Variants in MAGI2 observed in about 807,000 individuals in gnomAD.
The protein encoded by MAGI2 is membrane associated guanylate kinase, WW and PDZ domain containing 2.
In MAGI2, 35 loss-of-function variants were observed where a neutral mutation model predicts 133.3. The observed-to-expected ratio is 0.26, with a 90% confidence interval of 0.20 to 0.35. The LOEUF (loss-of-function observed/expected upper bound fraction) is 0.35, where lower values mean the gene tolerates loss of function less well. Ranked by LOEUF, MAGI2 falls within the 10% of genes least tolerant of loss-of-function variation. The pLI, the probability that MAGI2 is intolerant of heterozygous loss-of-function variation, is 1.00. For synonymous variants in MAGI2, 729 were observed against 710.6 expected, an observed-to-expected ratio of 1.03 and a Z score of -0.41; for missense variants, 1,636 against 1,863.4, an observed-to-expected ratio of 0.88 and a Z score of 2.25.
At chr7:78,694,119 C>T (rs1029141034) in intron 2 of MAGI2, among the ~76,000 whole-genome samples, 2 of 152,088 alleles carry the variant, frequency 1.3e-5, no homozygotes, top group Admixed American at 6.6e-5. Context: ...GTTTCCCATG[C>T]TCAGATAACC....
At position 79,245,436 on chromosome 7, in the gene MAGI2, A is replaced by G. The variant is rs552364452; in HGVS notation, c.301+207584T>C. Among the ~76,000 whole-genome samples the G allele has an allele frequency of 4.6e-5, 7 of 152,236 alleles. No individual in the cohort carries two copies. In the East Asian group the frequency reaches 1.4e-3, roughly 30 times the overall value. On this transcript the variant is annotated intron_variant, in intron 1 of 21. Transcript: ENST00000354212. ...GGGCGTTCTAGGCCTGGCATCATTC[A>G]CCAGAAGCTGACGGAAGGGCCCTTG...
At chr7:78,990,905 TACACACACACACACAC>T (rs140828645) in intron 2 of MAGI2, among the ~76,000 whole-genome samples, 1 of 141,394 alleles carries the variant, frequency 7.1e-6, no homozygotes, top group African/African-American at 2.6e-5. Context: ...TATATGTACA[TACACACACACACACAC>T]ACACACACAC....
chr7:79,041,500 T>C (rs1218512068), intron 1 of MAGI2, among the ~76,000 whole-genome samples: 3 of 152,164 alleles, frequency 2.0e-5, no homozygotes, highest in Non-Finnish European at 2.9e-5. Context: ...AAAAATGTAC[T>C]TATGCTTGAG....
At chr7:78,555,204 A>ATG (rs1563162874) in intron 3 of MAGI2, among the ~76,000 whole-genome samples, 4 of 100,394 alleles carry the variant, frequency 4.0e-5, no homozygotes, top group African/African-American at 1.7e-4. Flanking sequence ...ATGGATGGAT[A>ATG]GATAGATAGA....
At chr7:78,598,523 C>G (rs1453599034) in intron 3 of MAGI2, among the ~76,000 whole-genome samples, 1 of 152,114 alleles carries the variant, frequency 6.6e-6, no homozygotes, top group African/African-American at 2.4e-5. Context: ...CAAGGAAACT[C>G]TTAAGAACTT....
chr7:78,656,096 A>C (rs1305920687), intron 2 of MAGI2, among the ~76,000 whole-genome samples: 2 of 152,190 alleles, frequency 1.3e-5, no homozygotes, highest in Non-Finnish European at 2.9e-5. Flanking sequence ...ATTACAAAAA[A>C]CAGCCTAAGA....
intron 9 of MAGI2, among the ~76,000 whole-genome samples, chr7:78,301,468 C>T (rs187238565): frequency 1.0e-3 from 152 of 152,288 alleles, no homozygotes; most frequent in Middle Eastern, 6.8e-3. Context: ...GCATGCGAGA[C>T]TCAGGCGACA....
chr7:79,211,639 G>T (rs752294008), intron 1 of MAGI2, among the ~76,000 whole-genome samples: 1 of 151,620 alleles, frequency 6.6e-6, no homozygotes, highest in Non-Finnish European at 1.5e-5. Flanking sequence ...AAAGATTATA[G>T]GCAATTTTTG....
chr7:78,332,604 A>G (rs1158307320), intron 9 of MAGI2, among the ~76,000 whole-genome samples: 1 of 151,040 alleles, frequency 6.6e-6, no homozygotes, highest in Non-Finnish European at 1.5e-5. Context: ...AGGCTGAGGC[A>G]GGAGAATGGT....
intron 18 of MAGI2, among the ~76,000 whole-genome samples, chr7:78,130,902 G>T (rs1227486238): frequency 6.6e-6 from 1 of 152,204 alleles, no homozygotes; most frequent in African/African-American, 2.4e-5. Context: ...CCAGTTGTGA[G>T]CTGGCAGCAG....
chr7:79,006,188 T>C (rs948904296), intron 2 of MAGI2, among the ~76,000 whole-genome samples: 2 of 152,198 alleles, frequency 1.3e-5, no homozygotes, highest in African/African-American at 4.8e-5. Context: ...TTTTTTTGTT[T>C]TGCTTATTTG....
chr7:78,425,794 C>T (rs1223217037), intron 6 of MAGI2, among the ~76,000 whole-genome samples: 1 of 152,202 alleles, frequency 6.6e-6, no homozygotes, highest in African/African-American at 2.4e-5. Flanking sequence ...AGAGGCATAT[C>T]ATTGGGTTAA....
chr7:79,139,380 G>A (rs1225490335), intron 1 of MAGI2, among the ~76,000 whole-genome samples: 1 of 152,148 alleles, frequency 6.6e-6, no homozygotes, highest in Admixed American at 6.5e-5. Context: ...ATTCTACAAA[G>A]GTGATATTAT....
intron 20 of MAGI2, among the ~76,000 whole-genome samples, chr7:78,120,296 A>G (rs566883376): frequency 1.2e-3 from 179 of 152,216 alleles, no homozygotes; most frequent in African/African-American, 2.8e-3. Context: ...CCAGCTACTC[A>G]GGAGGCTGAG....
intron 2 of MAGI2, among the ~76,000 whole-genome samples, chr7:78,981,002 T>G (rs113511688): frequency 0.025 from 3,720 of 151,728 alleles, 149 homozygotes; most frequent in African/African-American, 0.084. Flanking sequence ...TTGTTGAAAG[T>G]TTTGCTTAGT....
At chr7:78,083,359 TG>T (rs1228716279) in intron 20 of MAGI2, among the ~76,000 whole-genome samples, 2 of 61,522 alleles carry the variant, frequency 3.3e-5, no homozygotes, top group African/African-American at 6.3e-5. Flanking sequence ...AAGGAGATGG[TG>T]GGGGGGCGGG....
chr7:78,986,916 ATACTCACCTGTGAGTAGC>A (rs1226300519), intron 2 of MAGI2, among the ~76,000 whole-genome samples: 2 of 151,958 alleles, frequency 1.3e-5, no homozygotes, highest in African/African-American at 4.8e-5. Context: ...AATCAAGAAC[ATACTCACCTGTGAGTAGC>A]TAGGAACCAG....
At chr7:78,569,528 T>G (rs1006534514) in intron 3 of MAGI2, among the ~76,000 whole-genome samples, 2 of 152,174 alleles carry the variant, frequency 1.3e-5, no homozygotes, top group Admixed American at 6.5e-5. Context: ...TTGTTTTAAT[T>G]TAAGTCCTGC....
intron 3 of MAGI2, among the ~76,000 whole-genome samples, chr7:78,560,523 A>C (rs1800292388): frequency 6.6e-6 from 1 of 152,342 alleles, no homozygotes; most frequent in Admixed American, 6.5e-5. Flanking sequence ...TATGATGTAA[A>C]CGTTAATCTA....
Sources: allele counts gnomAD v4.1 joint callset (sites outside exome capture counted in the v4.1 genomes callset), GRCh38; gene constraint gnomAD v4.1.1; transcripts MANE v1.5; gene names NCBI Gene and HGNC (gene_info 2026-07-23, HGNC 2026-07-21).